IL1RAP: variants seen among roughly 807,000 people sequenced by gnomAD.
The protein encoded by IL1RAP is interleukin-1 receptor accessory protein.
In IL1RAP, 35 loss-of-function variants were observed where a neutral mutation model predicts 60.7. The observed-to-expected ratio is 0.58, with a 90% CI of 0.44 to 0.76. The LOEUF is 0.76. Among genes scored for constraint, IL1RAP ranks in the 30% least tolerant of loss-of-function variants. IL1RAP has a pLI of 0.00. For missense variants in IL1RAP, 572 were observed against 693.9 expected (o/e 0.82, Z 1.97); for synonymous variants, 268 against 250.9 (o/e 1.07, Z -0.64).
rs376871446 is a variant in IL1RAP at position 190,613,489 on chromosome 3, A to C, written c.537+4308A>C. ...TAAGAAGACTAAATAAAGTGAGAAG[A>C]GAACTGAGCTAATGCCATACTCTGG... On this transcript the variant is annotated intron_variant, in intron 5 of 11. Transcript: ENST00000447382. 4.6e-5 allele frequency among the ~76,000 whole-genome samples: 7 copies of C among 152,332 alleles called. No individual in the cohort carries two copies. In the East Asian group the frequency reaches 1.2e-3, roughly 25 times the overall value.
At chr3:190,556,418 A>G (rs937212808) in intron 2 of IL1RAP, among the ~76,000 whole-genome samples, 2 of 152,062 alleles carry the variant, frequency 1.3e-5, no homozygotes, top group South Asian at 2.1e-4. Context: ...ACACATATGT[A>G]TGTTTTCACA....
At chr3:190,573,083 T>C (rs1727127000) in intron 3 of IL1RAP, among the ~76,000 whole-genome samples, 4 of 52,386 alleles carry the variant, frequency 7.6e-5, no homozygotes, top group Non-Finnish European at 1.4e-4. Flanking sequence ...CGGGATGGTC[T>C]CGATCTCCTG....
chr3:190,526,521 C>T (rs1158714340), intron 1 of IL1RAP, among the ~76,000 whole-genome samples: 2 of 152,138 alleles, frequency 1.3e-5, no homozygotes, highest in East Asian at 1.9e-4. Flanking sequence ...GTGATAAAAA[C>T]GTGGGTTTTA....
At chr3:190,623,533 A>C in intron 7 of IL1RAP, 118 bp downstream of exon 7, 1 of 791,948 alleles carries the variant, frequency 1.3e-6, no homozygotes, top group Admixed American at 2.2e-5. Flanking sequence ...ATGAATTGAA[A>C]CTGAAATGTC....
At chr3:190,515,594 T>G (rs1374794523) in intron 1 of IL1RAP, among the ~76,000 whole-genome samples, 1 of 152,114 alleles carries the variant, frequency 6.6e-6, no homozygotes, top group Admixed American at 6.5e-5. Flanking sequence ...AAAATTGATG[T>G]TTCTCGGTGA....
At chr3:190,616,687 C>T (rs1731302792) in intron 5 of IL1RAP, among the ~76,000 whole-genome samples, 1 of 152,164 alleles carries the variant, frequency 6.6e-6, no homozygotes, top group Non-Finnish European at 1.5e-5. Flanking sequence ...CATCTACTTT[C>T]CCTTTCCATC....
Position 190,629,363 on chromosome 3 carries a change from A to G in IL1RAP, c.916A>G (p.Arg306Gly), listed in dbSNP as rs145987111. The G allele has an allele frequency of 5.0e-6, 8 of 1,608,340 alleles. No homozygotes were observed. Among genetic ancestry groups the G allele is most frequent in the Middle Eastern group, 1.7e-4 (1 of 6,030 alleles). Residue 306 changes from arginine to glycine, a missense_variant, in exon 9 of 12, where the codon AGA becomes GGA. Arg to Gly is a moderately radical substitution (Grantham distance 125). Transcript: ENST00000447382. ...VTINESISHS[R>G]TEDETRTQIL... ...CTCTATTTCTAGTATAAGTCATAGT[A>G]GAACAGAAGATGAAACAAGAACTCA...
At position 190,656,530 on chromosome 3, in the gene IL1RAP, C is replaced by T. The variant is rs1053193291; in HGVS notation, c.1987C>T (p.Pro663Ser). ...ACAAAATGGCACCAGATTGGAACCC[C>T]CTGCTCCCCAGATCTCAGCCCTTGC... Residue 663 changes from proline to serine, a missense_variant, in exon 12 of 12, where the codon CCT becomes TCT. Transcript: ENST00000317757. 32 of 1,537,164 alleles carry T rather than the reference C, an allele frequency of 2.1e-5. No homozygotes were observed. In the African/African-American group the frequency reaches 3.8e-4, roughly 18 times the overall value.
intron 2 of IL1RAP, among the ~76,000 whole-genome samples, 194 bp downstream of exon 2, chr3:190,556,410 A>G (rs534846137): frequency 2.4e-4 from 37 of 152,216 alleles, no homozygotes; most frequent in African/African-American, 8.7e-4. Context: ...ACACACACAC[A>G]CATATGTATG....
chr3:190,557,972 C>T (rs1423963915), intron 2 of IL1RAP, among the ~76,000 whole-genome samples: 1 of 152,126 alleles, frequency 6.6e-6, no homozygotes, highest in Non-Finnish European at 1.5e-5. Context: ...ACCCCTTGAT[C>T]TGTTCTCGGT....
chr3:190,565,792 T>C (rs183681353), intron 3 of IL1RAP, among the ~76,000 whole-genome samples: 2 of 152,282 alleles, frequency 1.3e-5, no homozygotes, highest in Admixed American at 1.3e-4. Flanking sequence ...TTGATTTTAG[T>C]TTGTTCTTAT....
chr3:190,529,686 G>GA (rs58490702), intron 1 of IL1RAP, among the ~76,000 whole-genome samples: 46,845 of 101,806 alleles, frequency 0.46, 11,650 homozygotes, highest in African/African-American at 0.72. Context: ...TGTCTCAAAA[G>GA]AAAAAAAAAA....
intron 9 of IL1RAP, among the ~76,000 whole-genome samples, chr3:190,640,236 G>A (rs1733557250): frequency 1.3e-5 from 2 of 152,182 alleles, no homozygotes; most frequent in African/African-American, 4.8e-5. Context: ...AAGCCAGAGT[G>A]ATCGTAGCAT....
At chr3:190,571,957 G>A (rs900847530) in intron 3 of IL1RAP, among the ~76,000 whole-genome samples, 3 of 152,196 alleles carry the variant, frequency 2.0e-5, no homozygotes, top group East Asian at 3.8e-4. Context: ...GGACACATCT[G>A]CTTTAAGGCA....
At chr3:190,618,443 G>A (rs145600317) in intron 5 of IL1RAP, among the ~76,000 whole-genome samples, 113 of 152,212 alleles carry the variant, frequency 7.4e-4, no homozygotes, top group Admixed American at 3.6e-3. Flanking sequence ...ATGAAAGACC[G>A]TTATTCGGCT....
At chr3:190,589,740 A>G (rs2108708132) in intron 3 of IL1RAP, among the ~76,000 whole-genome samples, 1 of 152,332 alleles carries the variant, frequency 6.6e-6, no homozygotes, top group East Asian at 1.9e-4. Context: ...ATGTACTTTT[A>G]TGGAATGAGT....
intron 1 of IL1RAP, among the ~76,000 whole-genome samples, chr3:190,550,730 G>C (rs958464267): frequency 6.6e-6 from 1 of 152,192 alleles, no homozygotes; most frequent in Non-Finnish European, 1.5e-5. Flanking sequence ...AGAGATTGCT[G>C]GTTGGTTCAC....
intron 10 of IL1RAP, 105 bp from the exon 11 acceptor site, chr3:190,645,594 G>C (rs889232230): frequency 5.9e-5 from 52 of 880,640 alleles, no homozygotes; most frequent in Non-Finnish European, 3.0e-5. Flanking sequence ...ACTGGAATCT[G>C]TCACATAATG....
intron 1 of IL1RAP, among the ~76,000 whole-genome samples, chr3:190,549,155 C>G (rs748061675): frequency 1.3e-5 from 2 of 152,072 alleles, no homozygotes; most frequent in East Asian, 3.9e-4. Flanking sequence ...AGGAGGCTTC[C>G]CGCCTCACAG....
Sources: gnomAD v4.1 joint callset for allele counts (sites outside exome capture counted in the v4.1 genomes callset) on GRCh38, gnomAD v4.1.1 for gene constraint, MANE v1.5 for transcripts, NCBI Gene and HGNC (gene_info 2026-07-23, HGNC 2026-07-21) for gene names.